The following NCKAP5 variants were observed in gnomAD, a reference collection of about 807,000 sequenced individuals.
NCKAP5 encodes nck-associated protein 5.
Under a neutral mutation model 167.0 loss-of-function variants are expected in NCKAP5, and 92 were observed. The observed-to-expected ratio is 0.55, with a 90% CI of 0.47 to 0.66. The LOEUF (loss-of-function observed/expected upper bound fraction) is 0.66, where lower values mean the gene tolerates loss of function less well. Ranked by LOEUF, NCKAP5 falls within the 30% of genes least tolerant of loss-of-function variation. The pLI, the probability that NCKAP5 is intolerant of heterozygous loss-of-function variation, is 0.00. For missense variants in NCKAP5, 2,378 were observed against 2,315.0 expected (o/e 1.03, Z -0.56); for synonymous variants, 891 against 877.4 (o/e 1.02, Z -0.27).
chr2:132,850,701 T>C (rs1326259561), intron 11 of NCKAP5, among the ~76,000 whole-genome samples: 3 of 152,060 alleles, frequency 2.0e-5, no homozygotes, highest in Non-Finnish European at 4.4e-5. Context: ...CATGTTAACC[T>C]GCTAGAACTG....
rs557029904 is a variant in NCKAP5 at position 133,362,814 on chromosome 2, C to T, written c.70-59704G>A. Among the ~76,000 whole-genome samples, 1,398 of 152,180 alleles carry T rather than the reference C, an allele frequency of 9.2e-3. 8 individuals carry two copies. The highest frequency in any genetic ancestry group is 0.015 in the Non-Finnish European group (1,025 of 68,000). On this transcript the variant is annotated intron_variant, in intron 3 of 19. Transcript: ENST00000409261. ...TGTCGCCCAGGCTGGAGTGCAGTGG[C>T]GTGATCTCAGCTCACTGCAAGCTCT...
At chr2:132,700,940 G>C (rs13020507) in intron 19 of NCKAP5, among the ~76,000 whole-genome samples, 18 of 137,430 alleles carry the variant, frequency 1.3e-4, no homozygotes, top group East Asian at 4.8e-4. Context: ...CGGGGGGGGG[G>C]GCTTTTAAGC....
intron 11 of NCKAP5, among the ~76,000 whole-genome samples, chr2:132,802,539 A>G (rs1685123692): frequency 6.6e-6 from 1 of 151,894 alleles, no homozygotes; most frequent in Admixed American, 6.6e-5. Flanking sequence ...TTATTATGAA[A>G]TCTCCTGAGT....
chr2:133,054,173 C>T (rs2079708756), intron 6 of NCKAP5, among the ~76,000 whole-genome samples: 1 of 152,184 alleles, frequency 6.6e-6, no homozygotes, highest in Non-Finnish European at 1.5e-5. Context: ...TTCTAAAATG[C>T]TTTGTTCCAA....
chr2:132,697,186 G>A (rs1295114654), intron 19 of NCKAP5, among the ~76,000 whole-genome samples: 1 of 151,136 alleles, frequency 6.6e-6, no homozygotes, highest in African/African-American at 2.5e-5. Context: ...TGCGCCGGCC[G>A]ACATCCTTAT....
At chr2:133,637,401 C>T in the NCKAP5 span, among the ~76,000 whole-genome samples, 1 of 140,296 alleles carries the variant, frequency 7.1e-6, no homozygotes, top group African/African-American at 2.7e-5. Context: ...AGGAAACAGG[C>T]CACCAAGAAA....
chr2:132,998,303 T>C (rs1471281219), intron 6 of NCKAP5, among the ~76,000 whole-genome samples: 1 of 152,200 alleles, frequency 6.6e-6, no homozygotes, highest in Non-Finnish European at 1.5e-5. Context: ...CCCCCATTTT[T>C]CTTGGCTTTA....
intron 8 of NCKAP5, among the ~76,000 whole-genome samples, chr2:132,913,337 T>C (rs1020151659): frequency 2.6e-5 from 4 of 152,118 alleles, no homozygotes; most frequent in Non-Finnish European, 5.9e-5. Context: ...ATAAGAGAGA[T>C]TCTACAGCCA....
At chr2:133,015,288 G>A (rs1041784582) in intron 6 of NCKAP5, among the ~76,000 whole-genome samples, 12 of 151,970 alleles carry the variant, frequency 7.9e-5, no homozygotes, top group Admixed American at 7.2e-4. Context: ...GGTACTAATC[G>A]GTGAAAGAAT....
At chr2:133,061,095 A>G (rs2079984952) in intron 6 of NCKAP5, among the ~76,000 whole-genome samples, 1 of 151,398 alleles carries the variant, frequency 6.6e-6, no homozygotes, top group African/African-American at 2.4e-5. Context: ...AACAACAAAA[A>G]AACCTATTTA....
chr2:133,161,250 G>A (rs1396443947), intron 5 of NCKAP5, among the ~76,000 whole-genome samples: 1 of 151,936 alleles, frequency 6.6e-6, no homozygotes, highest in African/African-American at 2.4e-5. Context: ...ACTGGTCCCC[G>A]GTGCCAAAAA....
intron 19 of NCKAP5, among the ~76,000 whole-genome samples, chr2:132,710,351 T>A (rs184080487): frequency 6.6e-6 from 1 of 152,324 alleles, no homozygotes; most frequent in African/African-American, 2.4e-5. Flanking sequence ...ATCAAGAATG[T>A]CTATCACCAC....
At chr2:133,547,182 C>A (rs370103087) in intron 2 of NCKAP5, among the ~76,000 whole-genome samples, 1 of 152,200 alleles carries the variant, frequency 6.6e-6, no homozygotes, top group Non-Finnish European at 1.5e-5. Flanking sequence ...GCTTAAAAAA[C>A]GGCGCGCCAC....
At chr2:133,295,594 C>G (rs1012962718) in intron 4 of NCKAP5, among the ~76,000 whole-genome samples, 3 of 152,166 alleles carry the variant, frequency 2.0e-5, no homozygotes, top group Admixed American at 1.3e-4. Context: ...ACCACTGATG[C>G]TCAACTGTGA....
intron 8 of NCKAP5, among the ~76,000 whole-genome samples, chr2:132,888,777 G>A (rs552026548): frequency 9.2e-5 from 14 of 152,268 alleles, no homozygotes; most frequent in South Asian, 6.2e-4. Context: ...CTTGTACTTC[G>A]TTATATTGAA....
At chr2:133,666,450 A>G in the NCKAP5 span, among the ~76,000 whole-genome samples, 84,520 of 151,550 alleles carry the variant, frequency 0.56, 25,079 homozygotes, top group East Asian at 0.79. Context: ...CACCCACCTC[A>G]GCCTCCCGAA....
At chr2:133,423,286 C>T (rs951042572) in intron 3 of NCKAP5, among the ~76,000 whole-genome samples, 8 of 152,100 alleles carry the variant, frequency 5.3e-5, no homozygotes, top group African/African-American at 1.7e-4. Context: ...GGCTCAAGAC[C>T]GTTTTGAGCC....
Position 133,062,783 on chromosome 2 carries a change from T to A in NCKAP5, c.341+67195A>T, listed in dbSNP as rs569308018. On this transcript the variant is annotated intron_variant, in intron 6 of 19. Coordinates refer to ENST00000409261, the MANE Select transcript of NCKAP5 (RefSeq NM_207363.3). ...TAATTAAAATGCTCTGGGAAATAAT[T>A]TTCTTGGTGAATCGATCTTTATAAT... Among the ~76,000 whole-genome samples the A allele has an allele frequency of 5.3e-5, 8 of 152,344 alleles. No individual in the cohort carries two copies. In the East Asian group the frequency reaches 1.5e-3, roughly 29 times the overall value.
chr2:133,141,455 T>A (rs192115402), intron 5 of NCKAP5, among the ~76,000 whole-genome samples: 2 of 152,208 alleles, frequency 1.3e-5, no homozygotes, highest in Admixed American at 1.3e-4. Flanking sequence ...ATCCTTTTTA[T>A]CCTGTAGCTG....
Sources: allele counts gnomAD v4.1 joint callset (sites outside exome capture counted in the v4.1 genomes callset), GRCh38; gene constraint gnomAD v4.1.1; transcripts MANE v1.5; gene names NCBI Gene and HGNC (gene_info 2026-07-23, HGNC 2026-07-21).